Variants in NR6A1 observed in about 807,000 individuals in gnomAD.
NR6A1 encodes retinoic acid receptor-related testis-associated receptor.
Under a neutral mutation model 59.1 loss-of-function variants are expected in NR6A1, and 7 were observed. The observed-to-expected ratio is 0.12, with a 90% CI of 0.07 to 0.22. The LOEUF (loss-of-function observed/expected upper bound fraction) is 0.22, where lower values mean the gene tolerates loss of function less well. NR6A1 is among the 10% of genes least tolerant of loss of function. The pLI is 1.00. For missense variants in NR6A1, 468 were observed against 611.6 expected (o/e 0.77, Z 2.48); for synonymous variants, 243 against 236.1 (o/e 1.03, Z -0.27).
chr9:124,653,383 T>G lies in NR6A1; in HGVS notation c.142+79925A>C, dbSNP rs566058363. 1.2e-3 allele frequency among the ~76,000 whole-genome samples: 175 copies of G among 152,160 alleles called. 1 individual carries two copies. Among genetic ancestry groups the G allele is most frequent in the African/African-American group, 3.8e-3 (159 of 41,490 alleles). On this transcript the variant is annotated intron_variant, in intron 2 of 9. Coordinates refer to ENST00000487099, the MANE Select transcript of NR6A1 (RefSeq NM_033334.4). ...CTATAAAATGGGACTATCAGGTGTA[T>G]GCTGTTATTTTCTGTATTTGTCAGA... is the stretch of plus-strand genomic sequence containing the variant.
chr9:124,593,473 A>C (rs1392545231), intron 2 of NR6A1, among the ~76,000 whole-genome samples: 1 of 152,170 alleles, frequency 6.6e-6, no homozygotes, highest in Non-Finnish European at 1.5e-5. Flanking sequence ...TACTTACTCA[A>C]TGCTTTGATG....
intron 2 of NR6A1, among the ~76,000 whole-genome samples, chr9:124,561,173 T>C (rs1310400527): frequency 6.6e-6 from 1 of 152,142 alleles, no homozygotes; most frequent in Non-Finnish European, 1.5e-5. Flanking sequence ...CAGTGGCTCA[T>C]GCCTGTGATC....
At position 124,697,505 on chromosome 9, in the gene NR6A1, G is replaced by T. The variant is rs565462783; in HGVS notation, c.142+35803C>A. 6.0e-4 allele frequency among the ~76,000 whole-genome samples: 91 copies of T among 152,024 alleles called. 2 individuals are homozygous for T. The South Asian group carries it at 0.018, about 31-fold the overall frequency. On this transcript the variant is annotated intron_variant, in intron 2 of 9. Transcript: ENST00000487099. ...GTGATGTATAAGTAAAGACTTCAAG[G>T]GTATGTGTAACTACCTTGGTGAAAT... is the stretch of plus-strand genomic sequence containing the variant.
rs572341897 is a variant in NR6A1, at chr9:124,707,589, C to T, written c.142+25719G>A. ...ATGTCTTTTAATTTTTGTTGTGATA[C>T]TAAACATTTAAAACAATGTGCTTTT... On this transcript the variant is annotated intron_variant, in intron 2 of 9. Coordinates refer to ENST00000487099, the MANE Select transcript of NR6A1 (RefSeq NM_033334.4). Among the ~76,000 whole-genome samples the T allele has an allele frequency of 2.0e-5, 3 of 150,968 alleles. No homozygotes were observed. In the South Asian group the frequency reaches 6.3e-4, roughly 32 times the overall value.
At chr9:124,695,127 T>G (rs111917553) in intron 2 of NR6A1, among the ~76,000 whole-genome samples, 1 of 152,322 alleles carries the variant, frequency 6.6e-6, no homozygotes, top group African/African-American at 2.4e-5. Context: ...TTTTCAACTA[T>G]TGCCCAACCT....
intron 2 of NR6A1, among the ~76,000 whole-genome samples, chr9:124,566,353 A>C (rs531461805): frequency 6.6e-6 from 1 of 152,326 alleles, no homozygotes; most frequent in Admixed American, 6.5e-5. Context: ...TAAGCTGTAC[A>C]TTTGTATTTT....
At chr9:124,572,572 T>C (rs1321088755) in intron 2 of NR6A1, among the ~76,000 whole-genome samples, 1 of 152,202 alleles carries the variant, frequency 6.6e-6, no homozygotes, top group African/African-American at 2.4e-5. Flanking sequence ...TCAAACCTGG[T>C]TTCTTGCCCT....
intron 2 of NR6A1, among the ~76,000 whole-genome samples, chr9:124,616,359 C>A (rs914675086): frequency 4.1e-5 from 6 of 147,394 alleles, no homozygotes; most frequent in Admixed American, 3.4e-4. Context: ...GCCAAGATCG[C>A]GCCAATGCAC....
chr9:124,573,701 A>G (rs1488608651), intron 2 of NR6A1, among the ~76,000 whole-genome samples: 1 of 152,236 alleles, frequency 6.6e-6, no homozygotes, highest in African/African-American at 2.4e-5. Context: ...GGGCAACCTA[A>G]ATACTAATCT....
chr9:124,629,863 C>T (rs1338168411), intron 2 of NR6A1, among the ~76,000 whole-genome samples: 1 of 152,196 alleles, frequency 6.6e-6, no homozygotes, highest in African/African-American at 2.4e-5. Context: ...AAGGGAGGAA[C>T]TGACTCCAGT....
At chr9:124,616,154 T>C (rs1835883740) in intron 2 of NR6A1, among the ~76,000 whole-genome samples, 1 of 151,742 alleles carries the variant, frequency 6.6e-6, no homozygotes, top group East Asian at 1.9e-4. Flanking sequence ...TCCCAGCACT[T>C]TGGGAGGCCG....
At chr9:124,697,217 A>C (rs1285567901) in intron 2 of NR6A1, among the ~76,000 whole-genome samples, 6 of 152,260 alleles carry the variant, frequency 3.9e-5, no homozygotes, top group Non-Finnish European at 8.8e-5. Flanking sequence ...GATCTGAGAA[A>C]GAATGATCTA....
rs535736565 is a variant in NR6A1, at chr9:124,660,620, C to G, written c.142+72688G>C. ...TTCAGAGAACAGGAAATTACAGGCT[C>G]GATGCACTCCTGGCAGCTCTGAGAA... On this transcript the variant is annotated intron_variant, in intron 2 of 9. Transcript: ENST00000487099. Among the ~76,000 whole-genome samples, 84 of 131,268 alleles carry G rather than the reference C, an allele frequency of 6.4e-4. 1 individual carries two copies. The South Asian group carries it at 0.019, about 30-fold the overall frequency. 86.1% of individuals were successfully genotyped at this position (131,268 alleles called of 152,430 possible). A position where few individuals can be genotyped will look rare whatever the true frequency, so the allele number is the denominator to read the frequency against.
intron 2 of NR6A1, among the ~76,000 whole-genome samples, chr9:124,555,302 A>G (rs1833891631): frequency 6.6e-6 from 1 of 152,350 alleles, no homozygotes; most frequent in African/African-American, 2.4e-5. Context: ...GCTAAAGAGC[A>G]GGCACACGAC....
intron 2 of NR6A1, among the ~76,000 whole-genome samples, chr9:124,606,528 G>C (rs1483654757): frequency 6.6e-6 from 1 of 152,080 alleles, no homozygotes; most frequent in African/African-American, 2.4e-5. Flanking sequence ...GGGGCAGCCT[G>C]GAATTATATA....
intron 1 of NR6A1, among the ~76,000 whole-genome samples, chr9:124,744,069 A>G (rs2131154926): frequency 6.6e-6 from 1 of 152,228 alleles, no homozygotes; most frequent in Admixed American, 6.5e-5. Context: ...AACAACAACA[A>G]AAATATGTCT....
chr9:124,580,959 G>T (rs1040157581), intron 2 of NR6A1, among the ~76,000 whole-genome samples: 2 of 152,094 alleles, frequency 1.3e-5, no homozygotes, highest in African/African-American at 4.8e-5. Flanking sequence ...AATTGAACAG[G>T]ATAGAGAACC....
In NR6A1 at chr9:124,658,677, T is replaced by A. The variant is rs574816581; in HGVS notation, c.142+74631A>T. 3 of 152,328 alleles carry A rather than the reference T, an allele frequency of 2.0e-5. No individual in the cohort carries two copies. The East Asian group carries it at 5.8e-4, about 29-fold the overall frequency. The allele number at this position is 152,328 out of a possible 1,614,324, so 9.4% of individuals were successfully genotyped here. ...TTCTCCCATCACCCCCATCCCCTTT[T>A]GACAAAGATCCAACTGTAAAAAGTC... is the stretch of plus-strand genomic sequence containing the variant. On this transcript the variant is annotated intron_variant, in intron 2 of 9. Transcript: ENST00000487099.
chr9:124,600,907 T>C (rs1350186404), intron 2 of NR6A1, among the ~76,000 whole-genome samples: 2 of 149,634 alleles, frequency 1.3e-5, no homozygotes, highest in African/African-American at 5.0e-5. Context: ...AAAGATTTTG[T>C]AATGCCAATG....
Sources: allele counts gnomAD v4.1 joint callset (sites outside exome capture counted in the v4.1 genomes callset), GRCh38; gene constraint gnomAD v4.1.1; transcripts MANE v1.5; gene names NCBI Gene and HGNC (gene_info 2026-07-23, HGNC 2026-07-21).